Variants in NVL observed in about 807,000 individuals in gnomAD.
NVL encodes the protein nuclear valosin-containing protein-like.
NVL carries 84 observed loss-of-function variants against 110.2 expected under a neutral mutation model. The observed-to-expected ratio is 0.76, with a 90% CI of 0.64 to 0.91. The LOEUF is 0.91. NVL is among the 40% of genes least tolerant of loss of function. NVL has a pLI of 0.00. For synonymous variants in NVL, 354 were observed against 361.1 expected (o/e 0.98, Z 0.22); for missense variants, 882 against 1,035.9 (o/e 0.85, Z 2.04).
intron 18 of NVL, 112 bp downstream of exon 18, chr1:224,267,922 T>C (rs1036465378): frequency 4.3e-5 from 31 of 724,910 alleles, no homozygotes; most frequent in Non-Finnish European, 5.9e-5. Flanking sequence ...GTGAATTATA[T>C]TGTTTATAAA....
rs1052013575 is a variant in NVL at position 224,275,203 on chromosome 1, T to A, written c.2082+136A>T. 4.0e-6 allele frequency: 4 copies of A among 1,001,076 alleles called. No homozygotes were observed. In the South Asian group the frequency reaches 4.8e-5, roughly 12 times the overall value. The allele number at this position is 1,001,076 out of a possible 1,614,324, so 62.0% of individuals were successfully genotyped here. On this transcript the variant is annotated intron_variant, in intron 17 of 22. Transcript: ENST00000281701. Reference sequence around the variant, plus strand: ...TACAACTGCTATCTCTAGGATTTGATTTCAAATTACTAAGTGTCTTCATTA... The same window carrying A: ...TACAACTGCTATCTCTAGGATTTGAATTCAAATTACTAAGTGTCTTCATTA...
At chr1:224,287,577 A>G (rs1275833885) in intron 14 of NVL, among the ~76,000 whole-genome samples, 198 bp downstream of exon 14, 1 of 152,222 alleles carries the variant, frequency 6.6e-6, no homozygotes, top group African/African-American at 2.4e-5. Context: ...TCAATTTAAA[A>G]AAATAAACAA....
Position 224,288,083 on chromosome 1 carries a change from G to A in NVL, c.1576-90C>T, listed in dbSNP as rs143533187. On this transcript the variant is annotated intron_variant, in intron 13 of 22. Transcript: ENST00000281701. ...TTTTCTACTTGTAAAAATTATTACT[G>A]TAATATTTCCGTAAGCTATCCTGAA... 105 of 929,634 alleles carry A rather than the reference G, an allele frequency of 1.1e-4. 1 individual carries two copies. The East Asian group carries it at 2.3e-3, about 20-fold the overall frequency. The allele number at this position is 929,634 out of a possible 1,614,324, so 57.6% of individuals were successfully genotyped here. A position where few individuals can be genotyped will look rare whatever the true frequency, so the allele number is the denominator to read the frequency against.
intron 17 of NVL, 121 bp downstream of exon 17, chr1:224,275,218 T>C (rs897796109): frequency 3.7e-6 from 4 of 1,085,582 alleles, no homozygotes; most frequent in East Asian, 2.4e-5. Flanking sequence ...AATTACTAAG[T>C]GTCTTCATTA....
chr1:224,324,147 T>G (rs1168159818), intron 2 of NVL, among the ~76,000 whole-genome samples: 1 of 152,206 alleles, frequency 6.6e-6, no homozygotes, highest in Non-Finnish European at 1.5e-5. Flanking sequence ...AGCACATTAT[T>G]GTACTAAATA....
At chr1:224,281,756 C>T (rs1250624799) in intron 15 of NVL, among the ~76,000 whole-genome samples, 14 of 150,948 alleles carry the variant, frequency 9.3e-5, no homozygotes. Flanking sequence ...AGTTTGAGAC[C>T]AGCCTGACCA....
chr1:224,308,992 C>T (rs1395659842), intron 5 of NVL, among the ~76,000 whole-genome samples: 3 of 145,520 alleles, frequency 2.1e-5, no homozygotes, highest in Admixed American at 7.1e-5. Context: ...ACCCGGGAGG[C>T]GGAGCTTGCA....
At chr1:224,228,924 CAAAAAAA>C (rs368485856) in intron 22 of NVL, among the ~76,000 whole-genome samples, 1 of 81,686 alleles carries the variant, frequency 1.2e-5, no homozygotes, top group Non-Finnish European at 2.1e-5. Context: ...GACTCCGTCT[CAAAAAAA>C]AAAAAAAAAA....
chr1:224,274,506 G>A (rs1443508820), intron 17 of NVL, among the ~76,000 whole-genome samples: 1 of 151,386 alleles, frequency 6.6e-6, no homozygotes, highest in Non-Finnish European at 1.5e-5. Context: ...GCATGGTGGC[G>A]GGTGCCTGTA....
At chr1:224,299,317 A>T (rs12080917) in intron 10 of NVL, among the ~76,000 whole-genome samples, 240 of 152,274 alleles carry the variant, frequency 1.6e-3, no homozygotes, top group African/African-American at 5.5e-3. Flanking sequence ...GAATGGGGGA[A>T]AAAAAAGAAT....
At chr1:224,281,694 T>A (rs770437671) in intron 15 of NVL, among the ~76,000 whole-genome samples, 88 of 151,712 alleles carry the variant, frequency 5.8e-4, no homozygotes, top group South Asian at 1.0e-3. Flanking sequence ...GTGACTCGCC[T>A]GTAATCCTAG....
intron 19 of NVL, among the ~76,000 whole-genome samples, chr1:224,247,606 T>C (rs1311441897): frequency 6.6e-6 from 1 of 151,784 alleles, no homozygotes; most frequent in Non-Finnish European, 1.5e-5. Context: ...GAGGTGGAGG[T>C]TGCAGTGAAC....
In NVL at chr1:224,302,782, G is replaced by C. The variant is rs544833939; in HGVS notation, c.960+941C>G. Among the ~76,000 whole-genome samples the C allele has an allele frequency of 3.0e-3, 460 of 152,254 alleles. 2 individuals are homozygous for C. The highest frequency in any genetic ancestry group is 5.5e-3 in the Non-Finnish European group (377 of 68,028). On this transcript the variant is annotated intron_variant, in intron 9 of 22. Coordinates refer to ENST00000281701, the MANE Select transcript of NVL (RefSeq NM_002533.4). ...AACCACTGGGAGGGCAGGTGCAGTG[G>C]CCCATGCCTGTAATCCCAGCACTTT...
chr1:224,297,203 G>C (rs1449091624), intron 10 of NVL, among the ~76,000 whole-genome samples: 5 of 152,146 alleles, frequency 3.3e-5, no homozygotes. Context: ...TTTTCAGACT[G>C]TTGTGTAAAC....
intron 18 of NVL, among the ~76,000 whole-genome samples, chr1:224,261,032 C>A (rs772586272): frequency 5.9e-5 from 9 of 152,018 alleles, no homozygotes; most frequent in African/African-American, 9.7e-5. Flanking sequence ...CGTGCTACCA[C>A]GCCCAGCTGA....
intron 17 of NVL, among the ~76,000 whole-genome samples, chr1:224,274,087 T>G (rs1665497577): frequency 8.3e-6 from 1 of 120,012 alleles, no homozygotes; most frequent in African/African-American, 2.9e-5. Context: ...CACAAAAGAT[T>G]TCCTAGGTTT....
chr1:224,325,311 C>T (rs996436656), intron 2 of NVL, among the ~76,000 whole-genome samples: 3 of 150,832 alleles, frequency 2.0e-5, no homozygotes, highest in Admixed American at 1.3e-4. Context: ...GTGGCTCATG[C>T]GTGTCATCCT....
In NVL at chr1:224,305,049, C is replaced by T. The variant is rs1477523323; in HGVS notation, c.733G>A (p.Val245Ile). The T allele has an allele frequency of 6.2e-7, 1 of 1,613,296 alleles. No individual in the cohort carries two copies. The highest frequency in any genetic ancestry group is 1.1e-5 in the South Asian group (1 of 90,864). The change falls in exon 7 of 23, where the codon GTC (valine) becomes ATC (isoleucine). Residue 245 changes from valine to isoleucine, a missense_variant. Around this residue, in one of 4 missense-constraint regions of NVL, gnomAD observed 416 missense variants for 499.3 expected, o/e 0.83. Transcript: ENST00000281701. ...LQEVDGEIEA[V>I]LQKKAKARGL... ...CACACCTTACCTTTCTTTTGCAGGA[C>T]AGCTTCAATTTCTCCATCTACTTCC...
intron 19 of NVL, among the ~76,000 whole-genome samples, chr1:224,240,668 A>T (rs1008490537): frequency 6.6e-6 from 1 of 152,060 alleles, no homozygotes; most frequent in Non-Finnish European, 1.5e-5. Context: ...CACAAAACGA[A>T]TTCACTGTTA....
Sources: allele counts gnomAD v4.1 joint callset (sites outside exome capture counted in the v4.1 genomes callset), GRCh38; gene constraint gnomAD v4.1.1; regional missense constraint gnomAD v4.1.1; transcripts MANE v1.5; gene names NCBI Gene and HGNC (gene_info 2026-07-23, HGNC 2026-07-21).